CEP350: variants seen among roughly 807,000 people sequenced by gnomAD.
The protein encoded by CEP350 is centrosomal protein 350.
CEP350 carries 126 observed loss-of-function variants against 331.8 expected under a neutral mutation model. The ratio of observed to expected loss-of-function variants is 0.38; its 90% CI spans 0.33 to 0.44. The LOEUF (loss-of-function observed/expected upper bound fraction) is 0.44, where lower values mean the gene tolerates loss of function less well. Ranked by LOEUF, CEP350 falls within the 20% of genes least tolerant of loss-of-function variation. CEP350 has a pLI of 1.00. For synonymous variants in CEP350, 1,200 were observed against 1,259.5 expected (o/e 0.95, Z 1.00); for missense variants, 3,406 against 3,634.6 (o/e 0.94, Z 1.62).
intron 11 of CEP350, among the ~76,000 whole-genome samples, chr1:180,017,464 C>G (rs981456376): frequency 6.6e-6 from 1 of 152,120 alleles, no homozygotes; most frequent in South Asian, 2.1e-4. Context: ...GTCAGACATA[C>G]CCTGCTATAT....
At chr1:180,090,681 G>T in intron 32 of CEP350, 33 bp from the exon 33 acceptor site, 2 of 1,510,448 alleles carry the variant, frequency 1.3e-6, no homozygotes, top group Admixed American at 2.1e-5. Context: ...ATAGTAATAT[G>T]TTTATTTCTG....
At chr1:179,968,332 CAAAAA>C (rs397861084) in intron 1 of CEP350, among the ~76,000 whole-genome samples, 2 of 88,412 alleles carry the variant, frequency 2.3e-5, no homozygotes, top group Non-Finnish European at 2.4e-5. Context: ...ACTCTGTCTC[CAAAAA>C]AAAAAAAAAA....
At chr1:180,008,611 T>C (rs1435326091) in intron 8 of CEP350, among the ~76,000 whole-genome samples, 4 of 152,220 alleles carry the variant, frequency 2.6e-5, no homozygotes, top group African/African-American at 4.8e-5. Flanking sequence ...CATTCATTCA[T>C]TATACAAATA....
chr1:180,080,660 A>G lies in CEP350; in HGVS notation c.6123A>G (p.Ser2041=). 10 of 1,612,898 alleles carry G rather than the reference A, an allele frequency of 6.2e-6. No individual in the cohort carries two copies. Among genetic ancestry groups the G allele is most frequent in the Non-Finnish European group, 8.5e-6 (10 of 1,179,052 alleles). The change falls in exon 30 of 38, where the codon TCA becomes TCG. Residue 2041 remains serine (S), a splice_region_variant and synonymous_variant. Coordinates refer to ENST00000367607, the MANE Select transcript of CEP350 (RefSeq NM_014810.5). ...ATGAGTCATTATCTATGACACAGTC[A>G]GGTAAGACTAATCATGAGGAGTTTT... ...WSDESLSMTQ[S]ETTSDQSDIE...
intron 6 of CEP350, among the ~76,000 whole-genome samples, chr1:180,001,918 G>C (rs1308599847): frequency 6.6e-6 from 1 of 152,064 alleles, no homozygotes; most frequent in Non-Finnish European, 1.5e-5. Flanking sequence ...AATGTATATT[G>C]CTTTATCTCA....
At chr1:180,060,280 G>A (rs1258673123) in intron 25 of CEP350, among the ~76,000 whole-genome samples, 2 of 152,134 alleles carry the variant, frequency 1.3e-5, no homozygotes, top group African/African-American at 4.8e-5. Context: ...ATGTGCCCAA[G>A]AAGACAAAAT....
intron 8 of CEP350, among the ~76,000 whole-genome samples, chr1:180,010,424 A>G (rs1291027971): frequency 7.4e-6 from 1 of 135,560 alleles, no homozygotes; most frequent in South Asian, 2.3e-4. Context: ...TTTTTTTTTT[A>G]AAGAAACTAT....
At chr1:179,971,813 A>T (rs1373261753) in intron 1 of CEP350, among the ~76,000 whole-genome samples, 2 of 152,120 alleles carry the variant, frequency 1.3e-5, no homozygotes, top group African/African-American at 4.8e-5. Context: ...GGAAAACTCC[A>T]TTGTACATTC....
intron 30 of CEP350, among the ~76,000 whole-genome samples, chr1:180,082,032 G>A (rs1659601220): frequency 6.6e-6 from 1 of 152,132 alleles, no homozygotes; most frequent in African/African-American, 2.4e-5. Context: ...TTGAATACTT[G>A]GAAACATGGG....
At position 180,031,365 on chromosome 1, in the gene CEP350, A is replaced by G. The variant is rs749974277; in HGVS notation, c.3596A>G (p.Glu1199Gly). 2 of 1,608,228 alleles carry G rather than the reference A, an allele frequency of 1.2e-6. No individual in the cohort carries two copies. Among genetic ancestry groups the G allele is most frequent in the Admixed American group, 3.4e-5 (2 of 59,644 alleles). Reference sequence around the variant, plus strand: ...AATGTTCAGAACTCACTTCTTGATGAGGAAAAAGCAGAACGTGGCTCCCAT... The same window carrying G: ...AATGTTCAGAACTCACTTCTTGATGGGGAAAAAGCAGAACGTGGCTCCCAT... ...TGNVQNSLLD[E>G]EKAERGSHQG... Residue 1199 changes from glutamate to glycine, a missense_variant, in exon 15 of 38, where the codon GAG (glutamate) becomes GGG (glycine). Coordinates refer to ENST00000367607, the MANE Select transcript of CEP350 (RefSeq NM_014810.5).
intron 13 of CEP350, among the ~76,000 whole-genome samples, chr1:180,023,303 G>A (rs976716062): frequency 7.9e-5 from 12 of 152,048 alleles, no homozygotes; most frequent in African/African-American, 2.9e-4. Flanking sequence ...CACTTACTTA[G>A]AACAGGGCCT....
At chr1:179,955,984 A>G (rs1477719109) in intron 1 of CEP350, among the ~76,000 whole-genome samples, 4 of 152,232 alleles carry the variant, frequency 2.6e-5, no homozygotes. Flanking sequence ...GAGTTTTAAA[A>G]GAAAGACTAT....
intron 14 of CEP350, among the ~76,000 whole-genome samples, chr1:180,024,958 T>C (rs1455722772): frequency 1.3e-5 from 2 of 151,506 alleles, no homozygotes; most frequent in African/African-American, 2.4e-5. Flanking sequence ...GGAGTCTCAC[T>C]CTGTCGCCCA....
At chr1:180,106,927 C>A (rs905726147) in intron 37 of CEP350, among the ~76,000 whole-genome samples, 1 of 151,924 alleles carries the variant, frequency 6.6e-6, no homozygotes, top group African/African-American at 2.4e-5. Flanking sequence ...ATTACAGAAC[C>A]TTATTTATTC....
chr1:179,984,728 TAAGTA>T (rs1010150165), intron 1 of CEP350, among the ~76,000 whole-genome samples: 11 of 152,276 alleles, frequency 7.2e-5, no homozygotes, highest in African/African-American at 1.4e-4. Flanking sequence ...GTCCAGCAGT[TAAGTA>T]AAGTAGGGCA....
At chr1:180,011,614 G>T (rs1237746969) in intron 8 of CEP350, among the ~76,000 whole-genome samples, 2 of 152,018 alleles carry the variant, frequency 1.3e-5, no homozygotes, top group African/African-American at 4.8e-5. Flanking sequence ...CTAATTTTTT[G>T]TATTTTTAGT....
chr1:179,980,615 G>C (rs1263682996), intron 1 of CEP350, among the ~76,000 whole-genome samples: 1 of 151,938 alleles, frequency 6.6e-6, no homozygotes, highest in Non-Finnish European at 1.5e-5. Context: ...TCCTTGTCTT[G>C]TTTCAGATCT....
At position 179,955,081 on chromosome 1, in the gene CEP350, C is replaced by T; in HGVS notation, c.-75C>T. ...GGGGCCGGTCGGGGCGGCGTCACTG[C>T]ACCCTCCGCCAGGCTCCGCGGGATG... On this transcript the variant is annotated 5_prime_UTR_variant, in exon 1 of 38. Coordinates refer to ENST00000367607, the MANE Select transcript of CEP350 (RefSeq NM_014810.5). 6.9e-7 allele frequency: 1 copy of T among 1,454,738 alleles called. No individual in the cohort carries two copies. Among genetic ancestry groups the T allele is most frequent in the Non-Finnish European group, 9.0e-7 (1 of 1,106,494 alleles). The allele number at this position is 1,454,738 out of a possible 1,614,324, so 90.1% of individuals were successfully genotyped here.
At chr1:180,099,049 G>A in intron 37 of CEP350, 64 bp downstream of exon 37, 4 of 1,503,992 alleles carry the variant, frequency 2.7e-6, no homozygotes, top group Non-Finnish European at 3.6e-6. Flanking sequence ...AATGCAGTTA[G>A]ATTCTAAAAG....
Sources: allele counts gnomAD v4.1 joint callset (sites outside exome capture counted in the v4.1 genomes callset), GRCh38; gene constraint gnomAD v4.1.1; transcripts MANE v1.5; gene names NCBI Gene and HGNC (gene_info 2026-07-23, HGNC 2026-07-21).